Variants in ARAP2 observed in about 807,000 individuals in gnomAD.
The protein encoded by ARAP2 is arf-GAP with Rho-GAP domain, ANK repeat and PH domain-containing protein 2.
Under a neutral mutation model 194.5 loss-of-function variants are expected in ARAP2, and 148 were observed. The ratio of observed to expected loss-of-function variants is 0.76; its 90% CI spans 0.67 to 0.87. The LOEUF is 0.87. Ranked by LOEUF, ARAP2 falls within the 40% of genes least tolerant of loss-of-function variation. The pLI, the probability that ARAP2 is intolerant of heterozygous loss-of-function variation, is 0.00. For synonymous variants in ARAP2, 695 were observed against 683.5 expected, an observed-to-expected ratio of 1.02 and a Z score of -0.26; for missense variants, 2,128 against 1,989.7, an observed-to-expected ratio of 1.07 and a Z score of -1.32.
intron 9 of ARAP2, among the ~76,000 whole-genome samples, chr4:36,175,905 CTTGT>C (rs1737802760): frequency 6.6e-6 from 1 of 152,244 alleles, no homozygotes; most frequent in Middle Eastern, 3.4e-3. Flanking sequence ...ATATTCTGGT[CTTGT>C]TTGACTTTTC....
At chr4:36,196,056 T>C (rs1390852471) in intron 6 of ARAP2, among the ~76,000 whole-genome samples, 4 of 152,178 alleles carry the variant, frequency 2.6e-5, no homozygotes, top group Non-Finnish European at 4.4e-5. Flanking sequence ...ATAATCAGCA[T>C]CTTTTAAAAG....
intron 6 of ARAP2, among the ~76,000 whole-genome samples, chr4:36,196,477 G>C (rs972727935): frequency 6.6e-6 from 1 of 152,154 alleles, no homozygotes; most frequent in Non-Finnish European, 1.5e-5. Context: ...CAGCTCCTAA[G>C]ATATTCTCCC....
At chr4:36,109,736 A>C (rs1234735428) in intron 26 of ARAP2, among the ~76,000 whole-genome samples, 1 of 151,842 alleles carries the variant, frequency 6.6e-6, no homozygotes, top group Non-Finnish European at 1.5e-5. Flanking sequence ...ATTATTCTTT[A>C]AGTTCTAGGG....
intron 7 of ARAP2, among the ~76,000 whole-genome samples, chr4:36,191,431 C>T (rs1173753290): frequency 1.3e-5 from 2 of 151,334 alleles, no homozygotes; most frequent in Admixed American, 6.6e-5. Flanking sequence ...AAAAATAATT[C>T]CCCAGAGGTG....
chr4:36,113,680 C>A (rs1284977880), intron 26 of ARAP2, among the ~76,000 whole-genome samples: 1 of 151,770 alleles, frequency 6.6e-6, no homozygotes, highest in Non-Finnish European at 1.5e-5. Context: ...TTGGGGTAGT[C>A]AAGGTGCTTT....
chr4:36,090,886 A>T (rs1713436858), intron 28 of ARAP2, among the ~76,000 whole-genome samples: 1 of 152,030 alleles, frequency 6.6e-6, no homozygotes, highest in Admixed American at 6.6e-5. Context: ...TTTCACTTGC[A>T]CTCCTGAACT....
intron 5 of ARAP2, among the ~76,000 whole-genome samples, chr4:36,029,417 A>G (rs968108007): frequency 6.6e-5 from 10 of 151,894 alleles, no homozygotes; most frequent in African/African-American, 2.4e-4. Context: ...AGATTAAAAC[A>G]CCTGTTTCCA....
intron 5 of ARAP2, among the ~76,000 whole-genome samples, chr4:36,030,809 T>G (rs1229729806): frequency 6.6e-6 from 1 of 150,880 alleles, no homozygotes; most frequent in Non-Finnish European, 1.5e-5. Context: ...TTTTTTTTTT[T>G]TTTTTTTTGG....
At chr4:36,110,898 T>C (rs142242997) in intron 26 of ARAP2, among the ~76,000 whole-genome samples, 1 of 152,100 alleles carries the variant, frequency 6.6e-6, no homozygotes, top group East Asian at 1.9e-4. Flanking sequence ...AAGAATCTAT[T>C]TGCATCATCT....
chr4:36,068,271 C>G lies in ARAP2; in HGVS notation c.4751G>C (p.Arg1584Thr). The change falls in exon 33 of 33, where the codon AGA becomes ACA. Residue 1584 changes from arginine (R) to threonine (T), a missense_variant. Coordinates refer to ENST00000303965, the MANE Select transcript of ARAP2 (RefSeq NM_015230.4). ...TLARKNIESARAELERLRLSE... is the reference protein window; with the variant it reads ...TLARKNIESATAELERLRLSE... ...GAGCCGCAGCCTTTCAAGTTCTGCT[C>G]TTGCACTCTAAAAATAAAATTAAAT... The G allele has an allele frequency of 6.5e-7, 1 of 1,527,626 alleles. No individual in the cohort carries two copies. The highest frequency in any genetic ancestry group is 8.8e-7 in the Non-Finnish European group (1 of 1,139,652). 94.6% of individuals were successfully genotyped at this position (1,527,626 alleles called of 1,614,324 possible).
intron 27 of ARAP2, among the ~76,000 whole-genome samples, chr4:36,105,075 C>T (rs915047142): frequency 6.6e-6 from 1 of 151,848 alleles, no homozygotes; most frequent in Non-Finnish European, 1.5e-5. Context: ...ATATTTCATC[C>T]TTGGGAGGTC....
At chr4:36,200,439 G>A (rs986203068) in intron 6 of ARAP2, among the ~76,000 whole-genome samples, 1 of 151,982 alleles carries the variant, frequency 6.6e-6, no homozygotes, top group Non-Finnish European at 1.5e-5. Flanking sequence ...ATTTTTAGTA[G>A]AGATGGGGTT....
chr4:36,184,527 T>C (rs762384033), intron 8 of ARAP2, among the ~76,000 whole-genome samples: 3 of 152,216 alleles, frequency 2.0e-5, no homozygotes, highest in Non-Finnish European at 4.4e-5. Context: ...ATCAGAAAGA[T>C]GAACTATACA....
chr4:36,117,463 A>C (rs1721638964), intron 24 of ARAP2, among the ~76,000 whole-genome samples: 1 of 151,734 alleles, frequency 6.6e-6, no homozygotes, highest in Non-Finnish European at 1.5e-5. Context: ...CTGTGACAAC[A>C]GAAGTTGTAG....
chr4:36,052,704 C>T (rs1350758451), intron 2 of ARAP2, among the ~76,000 whole-genome samples: 1 of 152,248 alleles, frequency 6.6e-6, no homozygotes, highest in African/African-American at 2.4e-5. Context: ...GAGGCTCACG[C>T]CTGTAATCCC....
upstream of ARAP2, chr4:36,244,580 GC>G (rs1310276410): frequency 6.6e-6 from 1 of 150,664 alleles, no homozygotes; most frequent in Non-Finnish European, 1.5e-5. Flanking sequence ...GGCGGGGGCG[GC>G]CCAGCCGGCC....
In ARAP2 at chr4:36,229,566, G is replaced by A. The variant is rs1751031412; in HGVS notation, c.-80C>T. On this transcript the variant is annotated 5_prime_UTR_variant, in exon 2 of 33. Transcript: ENST00000303965. ...ACACAAGAAGATGTACTTCTCTACTGGCTTTTCCTCTATCAATTGTGACAG... is the reference window on the plus strand; with the variant it reads ...ACACAAGAAGATGTACTTCTCTACTAGCTTTTCCTCTATCAATTGTGACAG... 1.1e-5 allele frequency: 12 copies of A among 1,120,298 alleles called. No homozygotes were observed. The South Asian group carries it at 1.8e-4, about 17-fold the overall frequency. 69.4% of individuals were successfully genotyped at this position (1,120,298 alleles called of 1,614,324 possible). A position where few individuals can be genotyped will look rare whatever the true frequency, so the allele number is the denominator to read the frequency against.
chr4:36,072,759 C>T (rs1285969810), intron 32 of ARAP2, among the ~76,000 whole-genome samples: 2 of 150,534 alleles, frequency 1.3e-5, no homozygotes, highest in Non-Finnish European at 3.0e-5. Flanking sequence ...ATATTCCTTA[C>T]TTTGATTACA....
At chr4:36,128,944 T>C (rs1407255700) in intron 20 of ARAP2, among the ~76,000 whole-genome samples, 199 bp from the exon 21 acceptor site, 2 of 151,952 alleles carry the variant, frequency 1.3e-5, no homozygotes, top group Non-Finnish European at 2.9e-5. Flanking sequence ...AATGAGCAAA[T>C]CATTGCAGCC....
Sources: allele counts gnomAD v4.1 joint callset (sites outside exome capture counted in the v4.1 genomes callset), GRCh38; gene constraint gnomAD v4.1.1; transcripts MANE v1.5; gene names NCBI Gene and HGNC (gene_info 2026-07-23, HGNC 2026-07-21).